Variants in FAM171A1 observed in about 807,000 individuals in gnomAD.
FAM171A1 encodes the protein protein FAM171A1.
Under a neutral mutation model 74.9 loss-of-function variants are expected in FAM171A1, and 23 were observed. That is an observed-to-expected ratio of 0.31 (90% CI 0.22 to 0.44). FAM171A1 has a LOEUF of 0.44. FAM171A1 is among the 20% of genes least tolerant of loss of function. FAM171A1 has a pLI of 1.00. For missense variants in FAM171A1, 1,162 were observed against 1,159.2 expected, an observed-to-expected ratio of 1.00 and a Z score of -0.03; for synonymous variants, 527 against 505.7, an observed-to-expected ratio of 1.04 and a Z score of -0.57.
chr10:15,345,801 G>A (rs1210971299), intron 1 of FAM171A1, among the ~76,000 whole-genome samples: 1 of 152,148 alleles, frequency 6.6e-6, no homozygotes, highest in African/African-American at 2.4e-5. Context: ...GTGCAAAGAA[G>A]ACTACGAAAG....
chr10:15,215,122 C>T (rs1195105107), intron 7 of FAM171A1, among the ~76,000 whole-genome samples: 1 of 151,954 alleles, frequency 6.6e-6, no homozygotes, highest in Non-Finnish European at 1.5e-5. Flanking sequence ...GAGCCCTTTG[C>T]CTAAATGAAT....
rs557824333 is a variant in FAM171A1, at chr10:15,325,654, C to T, written c.98-41549G>A. 5.3e-5 allele frequency among the ~76,000 whole-genome samples: 8 copies of T among 152,256 alleles called. No individual in the cohort carries two copies. In the South Asian group the frequency reaches 1.0e-3, roughly 20 times the overall value. ...AGCTTACTGCGTTCCATGGGCCCCACGGAGTAGAATCAAGCTTTGATATTG... is the reference window on the plus strand; with the variant it reads ...AGCTTACTGCGTTCCATGGGCCCCATGGAGTAGAATCAAGCTTTGATATTG... On this transcript the variant is annotated intron_variant, in intron 1 of 7. Transcript: ENST00000378116.
intron 1 of FAM171A1, among the ~76,000 whole-genome samples, chr10:15,334,113 T>A (rs937315146): frequency 1.3e-5 from 2 of 152,236 alleles, no homozygotes; most frequent in Non-Finnish European, 2.9e-5. Flanking sequence ...CTCGCCCAGA[T>A]GTCATGGCTT....
intron 3 of FAM171A1, among the ~76,000 whole-genome samples, chr10:15,259,054 C>T (rs974392121): frequency 6.6e-6 from 1 of 152,116 alleles, no homozygotes; most frequent in African/African-American, 2.4e-5. Flanking sequence ...CATCATCTAC[C>T]TTCTCTTTCA....
At chr10:15,282,891 C>T (rs1032144518) in intron 2 of FAM171A1, among the ~76,000 whole-genome samples, 1 of 152,106 alleles carries the variant, frequency 6.6e-6, no homozygotes, top group Admixed American at 6.6e-5. Context: ...CTGTCCTCCA[C>T]CCTCTGCTGG....
In FAM171A1 at chr10:15,336,795, CAAT is replaced by C. The variant is rs373722840; in HGVS notation, c.97+34158_97+34160del. 7.6e-3 allele frequency among the ~76,000 whole-genome samples: 1,163 copies of C among 152,258 alleles called. 9 individuals are homozygous for C. The highest frequency in any genetic ancestry group is 9.5e-3 in the Non-Finnish European group (647 of 68,036). ...TAAGAGACTTCCCTCCCCAAGGATA[CAAT>C]GATTGCAGTGACTAAATGAATATGG... On this transcript the variant is annotated intron_variant, in intron 1 of 7. Coordinates refer to ENST00000378116, the MANE Select transcript of FAM171A1 (RefSeq NM_001010924.2).
chr10:15,284,214 A>C, intron 1 of FAM171A1, 109 bp from the exon 2 acceptor site: 1 of 930,806 alleles, frequency 1.1e-6, no homozygotes, highest in Non-Finnish European at 1.6e-6. Flanking sequence ...AAGGACATCA[A>C]GGTTGACACT....
chr10:15,298,703 A>G (rs1200208805), intron 1 of FAM171A1, among the ~76,000 whole-genome samples: 2 of 152,208 alleles, frequency 1.3e-5, no homozygotes, highest in Non-Finnish European at 2.9e-5. Context: ...CATAAAGCTA[A>G]TATCTTCACT....
At chr10:15,351,670 T>A (rs1291739511) in intron 1 of FAM171A1, among the ~76,000 whole-genome samples, 1 of 151,366 alleles carries the variant, frequency 6.6e-6, no homozygotes, top group African/African-American at 2.4e-5. Context: ...CACGGATGCA[T>A]GGATGCATGG....
At chr10:15,293,647 TTC>T (rs1298227485) in intron 1 of FAM171A1, among the ~76,000 whole-genome samples, 8 of 151,976 alleles carry the variant, frequency 5.3e-5, no homozygotes, top group African/African-American at 1.9e-4. Flanking sequence ...TCTGAATGCA[TTC>T]ATAGAGGTGG....
intron 3 of FAM171A1, among the ~76,000 whole-genome samples, chr10:15,274,642 A>G (rs1834869396): frequency 1.3e-5 from 2 of 152,208 alleles, no homozygotes; most frequent in South Asian, 4.1e-4. Context: ...ACTATACTAC[A>G]AGGTTACAGT....
At chr10:15,239,748 G>A (rs1399693896) in intron 5 of FAM171A1, among the ~76,000 whole-genome samples, 1 of 152,192 alleles carries the variant, frequency 6.6e-6, no homozygotes, top group African/African-American at 2.4e-5. Context: ...ACGAATCACA[G>A]CATTTTAACA....
Position 15,287,545 on chromosome 10 carries a change from G to A in FAM171A1, c.98-3440C>T, listed in dbSNP as rs887507882. 4.6e-5 allele frequency among the ~76,000 whole-genome samples: 7 copies of A among 151,764 alleles called. No homozygotes were observed. In the South Asian group the frequency reaches 6.3e-4, roughly 14 times the overall value. ...TGGGACTACAGGCGCCTGCCACCAC[G>A]CCCACCTAATTTTTGTATTTTTAGT... On this transcript the variant is annotated intron_variant, in intron 1 of 7. Transcript: ENST00000378116.
chr10:15,354,323 C>A (rs1835910064), intron 1 of FAM171A1, among the ~76,000 whole-genome samples: 1 of 152,054 alleles, frequency 6.6e-6, no homozygotes, highest in Admixed American at 6.6e-5. Flanking sequence ...TGGTGAAACC[C>A]CGCCTCCACT....
intron 6 of FAM171A1, among the ~76,000 whole-genome samples, chr10:15,216,557 C>G (rs889199623): frequency 2.0e-5 from 3 of 152,040 alleles, no homozygotes; most frequent in Admixed American, 6.5e-5. Flanking sequence ...CAGCCTCCAG[C>G]ATAGCTGGGA....
intron 5 of FAM171A1, among the ~76,000 whole-genome samples, chr10:15,247,505 C>T (rs1476877080): frequency 6.6e-6 from 1 of 152,070 alleles, no homozygotes; most frequent in Non-Finnish European, 1.5e-5. Flanking sequence ...GATAGCCAGC[C>T]CCAAGTGACC....
intron 1 of FAM171A1, among the ~76,000 whole-genome samples, chr10:15,327,312 C>G (rs1835567659): frequency 6.6e-6 from 1 of 152,142 alleles, no homozygotes; most frequent in African/African-American, 2.4e-5. Flanking sequence ...GGCATGTGCT[C>G]AGCGCTCACT....
intron 3 of FAM171A1, among the ~76,000 whole-genome samples, chr10:15,261,882 C>G (rs1283365039): frequency 6.6e-6 from 1 of 152,118 alleles, no homozygotes; most frequent in Non-Finnish European, 1.5e-5. Context: ...CTTTAGGAGG[C>G]TGAGGCAGGA....
At chr10:15,254,997 C>T in intron 3 of FAM171A1, 118 bp from the exon 4 acceptor site, 10 of 817,446 alleles carry the variant, frequency 1.2e-5, no homozygotes, top group Non-Finnish European at 1.9e-5. Context: ...TGCTCCCTCT[C>T]ACAAGGCCTC....
Sources: gnomAD v4.1 joint callset for allele counts (sites outside exome capture counted in the v4.1 genomes callset) on GRCh38, gnomAD v4.1.1 for gene constraint, MANE v1.5 for transcripts, NCBI Gene and HGNC (gene_info 2026-07-23, HGNC 2026-07-21) for gene names.